The following PLAGL1 variants were observed in gnomAD, a reference collection of about 807,000 sequenced individuals.
PLAGL1 encodes zinc finger protein PLAGL1.
A neutral mutation model predicts 4.6 loss-of-function variants in PLAGL1; 1 was observed. The observed-to-expected ratio is 0.22, with a 90% CI of 0.08 to 1.03. The LOEUF (loss-of-function observed/expected upper bound fraction) is 1.03, where lower values mean the gene tolerates loss of function less well. Ranked by LOEUF, PLAGL1 falls within the 50% of genes least tolerant of loss-of-function variation. The pLI is 0.58. For synonymous variants in PLAGL1, 240 were observed against 237.8 expected (o/e 1.01, Z -0.08); for missense variants, 464 against 570.4 (o/e 0.81, Z 1.90).
chr6:143,942,410 G>A lies in PLAGL1; in HGVS notation c.406C>T (p.Leu136=), dbSNP rs538240247. The change falls in exon 8 of 8, where the codon CTG becomes TTG. Residue 136 remains leucine, a synonymous_variant. Transcript: ENST00000674357. This position sits in a 1 kb window ranked among gnomAD's most constrained non-coding sequence, Gnocchi z 7.6. ...TCCGCATGGGCTTTGAGGTGGTCCA[G>A]TAGCACCTCGGTGCTCCCTAGCTCC... ...ALELGSTEVL[L]DHLKAHAEEK... 78 of 1,614,168 alleles carry A rather than the reference G, an allele frequency of 4.8e-5. No homozygotes were observed. The Admixed American group carries it at 1.2e-3, about 26-fold the overall frequency.
chr6:144,032,010 T>C (rs184017051), intron 1 of PLAGL1, among the ~76,000 whole-genome samples: 14 of 152,322 alleles, frequency 9.2e-5, no homozygotes, highest in African/African-American at 3.1e-4. Flanking sequence ...TTTCTTTGTG[T>C]CATCTATGAT....
Position 144,036,824 on chromosome 6 carries a change from GT to G in PLAGL1, c.-151+27643del. On this transcript the variant is annotated intron_variant, in intron 1 of 3. Transcript: ENST00000437412. The surrounding 1 kb of genome is among the most constrained non-coding windows in gnomAD (Gnocchi z 5.1). ...ATTATGACACTATTTGACTAAACAG[GT>G]TTGAAATACTCTGGCATAAAATGAA... is the stretch of plus-strand genomic sequence containing the variant. The G allele has an allele frequency of 3.2e-6, 1 of 313,812 alleles. No individual in the cohort carries two copies. The allele number at this position is 313,812 out of a possible 1,614,324, so 19.4% of individuals were successfully genotyped here. A position where few individuals can be genotyped will look rare whatever the true frequency, so the allele number is the denominator to read the frequency against.
At position 143,949,221 on chromosome 6, in the gene PLAGL1, C is replaced by A. The variant is rs1361455469; in HGVS notation, c.-324-761G>T. Among the ~76,000 whole-genome samples the A allele has an allele frequency of 6.6e-6, 1 of 152,216 alleles. No homozygotes were observed. The highest frequency in any genetic ancestry group is 1.5e-5 in the Non-Finnish European group (1 of 68,030). ...CATCCAGCTACCTGCTGGTAGGCCA[C>A]CTCCAGGAGATGGGCCTACTGCCTC... On this transcript the variant is annotated intron_variant, in intron 6 of 7. Transcript: ENST00000674357. This position sits in a 1 kb window ranked among gnomAD's most constrained non-coding sequence, Gnocchi z 5.3.
chr6:144,046,961 C>T (rs1798203158), intron 1 of PLAGL1, among the ~76,000 whole-genome samples: 1 of 152,248 alleles, frequency 6.6e-6, no homozygotes, highest in Admixed American at 6.5e-5. Context: ...GACTGCTGCG[C>T]TAGCAGTGAA....
At chr6:144,024,817 T>A (rs577056656) in intron 1 of PLAGL1, among the ~76,000 whole-genome samples, 4 of 152,214 alleles carry the variant, frequency 2.6e-5, no homozygotes, top group Non-Finnish European at 5.9e-5. Context: ...CATGTAGTAT[T>A]GAATTATAGC....
intron 2 of PLAGL1, among the ~76,000 whole-genome samples, chr6:143,976,730 G>A (rs191529154): frequency 2.0e-5 from 3 of 152,056 alleles, no homozygotes; most frequent in Non-Finnish European, 2.9e-5. Flanking sequence ...CCTAAGAGCC[G>A]GGTTCCTTTT....
Position 144,055,766 on chromosome 6 carries a change from T to C in PLAGL1, c.-151+8702A>G, listed in dbSNP as rs1344689457. Among the ~76,000 whole-genome samples, 2 of 152,166 alleles carry C rather than the reference T, an allele frequency of 1.3e-5. No individual in the cohort carries two copies. The highest frequency in any genetic ancestry group is 2.4e-5 in the African/African-American group (1 of 41,448). Reference sequence around the variant, plus strand: ...TGCCTTTAGGAAAGTGAAAGCTACATTTACATTATTAACGATAACAAGTCC... The same window carrying C: ...TGCCTTTAGGAAAGTGAAAGCTACACTTACATTATTAACGATAACAAGTCC... On this transcript the variant is annotated intron_variant, in intron 1 of 3. Transcript: ENST00000437412. This position sits in a 1 kb window ranked among gnomAD's most constrained non-coding sequence, Gnocchi z 5.0.
intron 1 of PLAGL1, among the ~76,000 whole-genome samples, chr6:144,046,527 A>T (rs1226649145): frequency 2.0e-5 from 3 of 152,148 alleles, no homozygotes; most frequent in African/African-American, 7.2e-5. Flanking sequence ...GCTGCAGAAG[A>T]GCAAATATTC....
Position 143,990,324 on chromosome 6 carries a change from T to C in PLAGL1, c.-583-5150A>G, listed in dbSNP as rs556862453. Among the ~76,000 whole-genome samples the C allele has an allele frequency of 6.6e-6, 1 of 152,330 alleles. No homozygotes were observed. Among genetic ancestry groups the C allele is most frequent in the African/African-American group, 2.4e-5 (1 of 41,584 alleles). On this transcript the variant is annotated intron_variant, in intron 1 of 7. Coordinates refer to ENST00000674357, the MANE Select transcript of PLAGL1 (RefSeq NM_001317162.2). This position sits in a 1 kb window ranked among gnomAD's most constrained non-coding sequence, Gnocchi z 5.4. Reference sequence around the variant, plus strand: ...TTATTAGAGACGGGGTTTCAACATGTTGGCCAGGATGGTCTCCATCCCCTG... The same window carrying C: ...TTATTAGAGACGGGGTTTCAACATGCTGGCCAGGATGGTCTCCATCCCCTG...
In PLAGL1 at chr6:143,985,897, A is replaced by ATGTG. The variant is rs55710387; in HGVS notation, c.-583-727_-583-724dup. 1.0e-2 allele frequency among the ~76,000 whole-genome samples: 1,398 copies of ATGTG among 140,010 alleles called. 11 individuals are homozygous for ATGTG. The highest frequency in any genetic ancestry group is 0.034 in the East Asian group (162 of 4,754). The allele number at this position is 140,010 out of a possible 152,430, so 91.9% of individuals were successfully genotyped here. The stretch of plus-strand genomic sequence containing the variant: ...GCCAAGCTACATATTATATATTATT[A>ATGTG]TGTGTGTGTGTGTGTGTGTGTATAC... On this transcript the variant is annotated intron_variant, in intron 1 of 7. Transcript: ENST00000674357. The surrounding 1 kb of genome is among the most constrained non-coding windows in gnomAD (Gnocchi z 4.4).
rs1785582525 is a variant in PLAGL1 at position 143,972,373 on chromosome 6, C to T, written c.-543-3395G>A. Among the ~76,000 whole-genome samples, 1 of 152,158 alleles carries T rather than the reference C, an allele frequency of 6.6e-6. No homozygotes were observed. Among genetic ancestry groups the T allele is most frequent in the African/African-American group, 2.4e-5 (1 of 41,434 alleles). On this transcript the variant is annotated intron_variant, in intron 2 of 7. Transcript: ENST00000674357. This position sits in a 1 kb window ranked among gnomAD's most constrained non-coding sequence, Gnocchi z 6.8. ...CAAAGGAAGAAGCCATAAATTCTTC[C>T]TGGGAAATCAAGCAAGTGAGGGGAG...
chr6:144,038,278 A>G (rs1797422886), intron 1 of PLAGL1, among the ~76,000 whole-genome samples: 1 of 152,212 alleles, frequency 6.6e-6, no homozygotes, highest in Non-Finnish European at 1.5e-5. Context: ...TTCACTACAT[A>G]AGGTTGCCCT....
upstream of PLAGL1, among the ~76,000 whole-genome samples, chr6:144,010,904 T>C (rs1583689917): frequency 6.6e-6 from 1 of 152,236 alleles, no homozygotes; most frequent in East Asian, 1.9e-4. This position sits in a 1 kb window ranked among gnomAD's most constrained non-coding sequence, Gnocchi z 4.1. Context: ...GTTAGCCATA[T>C]GCAGAAAACT....
In PLAGL1 at chr6:143,962,249, C is replaced by T. The variant is rs537531499; in HGVS notation, c.-398-1707G>A. Among the ~76,000 whole-genome samples, 1 of 152,332 alleles carries T rather than the reference C, an allele frequency of 6.6e-6. No homozygotes were observed. Among genetic ancestry groups the T allele is most frequent in the African/African-American group, 2.4e-5 (1 of 41,578 alleles). ...CAGAGAACAGACAGGAAAAATAACACATCTCAGTTTGACAGGATGCTACTT... is the reference window on the plus strand; with the variant it reads ...CAGAGAACAGACAGGAAAAATAACATATCTCAGTTTGACAGGATGCTACTT... On this transcript the variant is annotated intron_variant, in intron 5 of 7. Transcript: ENST00000674357. This position sits in a 1 kb window ranked among gnomAD's most constrained non-coding sequence, Gnocchi z 5.3.
At chr6:143,967,552 G>A (rs1373310206) in intron 3 of PLAGL1, 3 of 152,130 alleles carry the variant, frequency 2.0e-5, no homozygotes, top group South Asian at 2.1e-4. Context: ...CTTAAGCAGT[G>A]TAATCCTATT....
chr6:143,990,138 T>A lies in PLAGL1; in HGVS notation c.-583-4964A>T, dbSNP rs1790123303. On this transcript the variant is annotated intron_variant, in intron 1 of 7. Transcript: ENST00000674357. This position sits in a 1 kb window ranked among gnomAD's most constrained non-coding sequence, Gnocchi z 5.4. The stretch of plus-strand genomic sequence containing the variant: ...TCCCCAATTTTTTTTTTTTTCTTTT[T>A]TGAGATGGAGTCTCGCTCTGTTGCC... Among the ~76,000 whole-genome samples the A allele has an allele frequency of 6.6e-6, 1 of 152,146 alleles. No homozygotes were observed. Among genetic ancestry groups the A allele is most frequent in the Non-Finnish European group, 1.5e-5 (1 of 68,028 alleles).
intron 1 of PLAGL1, among the ~76,000 whole-genome samples, chr6:144,025,766 A>C (rs543016997): frequency 6.6e-6 from 1 of 152,026 alleles, no homozygotes; most frequent in Admixed American, 6.5e-5. Context: ...GGTGGCACGC[A>C]CCTGTAATCC....
At chr6:144,018,217 A>T (rs1795699508) in intron 1 of PLAGL1, among the ~76,000 whole-genome samples, 1 of 152,242 alleles carries the variant, frequency 6.6e-6, no homozygotes. Flanking sequence ...AAGAAATCCT[A>T]TCATTTACAA....
rs1022168990 is a variant in PLAGL1, at chr6:143,972,361, C to A, written c.-543-3383G>T. On this transcript the variant is annotated intron_variant, in intron 2 of 7. Coordinates refer to ENST00000674357, the MANE Select transcript of PLAGL1 (RefSeq NM_001317162.2). The surrounding 1 kb of genome is among the most constrained non-coding windows in gnomAD (Gnocchi z 6.8). ...AGGGCTGGGGGCCAAAGGAAGAAGC[C>A]ATAAATTCTTCCTGGGAAATCAAGC... Among the ~76,000 whole-genome samples the A allele has an allele frequency of 6.6e-6, 1 of 152,118 alleles. No individual in the cohort carries two copies. Among genetic ancestry groups the A allele is most frequent in the Non-Finnish European group, 1.5e-5 (1 of 68,020 alleles).
Sources: allele counts gnomAD v4.1 joint callset (sites outside exome capture counted in the v4.1 genomes callset), GRCh38; gene constraint gnomAD v4.1.1; non-coding constraint Gnocchi (gnomAD v3.1); transcripts MANE v1.5; gene names NCBI Gene and HGNC (gene_info 2026-07-23, HGNC 2026-07-21).